Variants in NIBAN1 observed in about 807,000 individuals in gnomAD.
NIBAN1 encodes niban apoptosis regulator 1.
Under a neutral mutation model 75.1 loss-of-function variants are expected in NIBAN1, and 81 were observed. That is an observed-to-expected ratio of 1.08 (90% CI 0.90 to 1.30). The LOEUF (loss-of-function observed/expected upper bound fraction) is 1.30, where lower values mean the gene tolerates loss of function less well. NIBAN1 is among the 50% of genes most tolerant of loss of function. The pLI is 0.00. For synonymous variants in NIBAN1, 436 were observed against 424.8 expected (o/e 1.03, Z -0.32); for missense variants, 1,133 against 1,128.1 (o/e 1.00, Z -0.06).
intron 1 of NIBAN1, among the ~76,000 whole-genome samples, chr1:184,952,813 C>T (rs928252145): frequency 6.6e-6 from 1 of 152,188 alleles, no homozygotes; most frequent in African/African-American, 2.4e-5. Context: ...GGCCTAAAGA[C>T]AAGCCCAAAG....
At chr1:184,823,423 T>C in intron 7 of NIBAN1, 94 bp from the exon 8 acceptor site, 3 of 1,481,086 alleles carry the variant, frequency 2.0e-6, no homozygotes, top group Non-Finnish European at 1.8e-6. Context: ...CAGGCCATCA[T>C]AACAAACAGA....
At chr1:184,832,290 G>C (rs1655021074) in intron 5 of NIBAN1, among the ~76,000 whole-genome samples, 1 of 152,132 alleles carries the variant, frequency 6.6e-6, no homozygotes, top group East Asian at 1.9e-4. Context: ...TACCAGCTGT[G>C]ACACCTTACT....
chr1:184,943,437 C>A (rs1658146465), intron 1 of NIBAN1, among the ~76,000 whole-genome samples: 1 of 152,114 alleles, frequency 6.6e-6, no homozygotes, highest in Admixed American at 6.5e-5. Context: ...TGCACCAATG[C>A]CATTTCTTAG....
In NIBAN1 at chr1:184,906,074, C is replaced by CA. The variant is rs200966151; in HGVS notation, c.56-6766dup. Reference sequence around the variant, plus strand: ...ACAACATAGAGAGACCTTGACTCTACAAAAAAAAATTAAAAAATTAGCCAA... The same window carrying CA: ...ACAACATAGAGAGACCTTGACTCTACAAAAAAAAAATTAAAAAATTAGCCAA... On this transcript the variant is annotated intron_variant, in intron 1 of 13. Transcript: ENST00000367511. Among the ~76,000 whole-genome samples the CA allele has an allele frequency of 5.7e-3, 746 of 131,724 alleles. 4 individuals carry two copies. Among genetic ancestry groups the CA allele is most frequent in the African/African-American group, 0.02 (690 of 34,760 alleles). 86.4% of individuals were successfully genotyped at this position (131,724 alleles called of 152,430 possible).
At chr1:184,896,100 T>C (rs953764066) in intron 2 of NIBAN1, among the ~76,000 whole-genome samples, 1 of 152,212 alleles carries the variant, frequency 6.6e-6, no homozygotes, top group Non-Finnish European at 1.5e-5. Flanking sequence ...CTGAGTCGAA[T>C]GATAGTTCTT....
intron 1 of NIBAN1, among the ~76,000 whole-genome samples, chr1:184,917,554 C>T (rs1657426180): frequency 6.6e-6 from 1 of 151,804 alleles, no homozygotes; most frequent in Non-Finnish European, 1.5e-5. Context: ...TCAAAAGTAT[C>T]CTTAAACTCC....
intron 7 of NIBAN1, 124 bp downstream of exon 7, chr1:184,823,514 C>A: frequency 8.0e-7 from 1 of 1,252,796 alleles, no homozygotes; most frequent in Non-Finnish European, 1.1e-6. Context: ...TCAGCAGGTT[C>A]GAAGTAGGCA....
chr1:184,970,979 A>G lies in NIBAN1; in HGVS notation c.55+3323T>C, dbSNP rs1396417316. Among the ~76,000 whole-genome samples the G allele has an allele frequency of 2.0e-5, 3 of 152,086 alleles. No individual in the cohort carries two copies. In the East Asian group the frequency reaches 5.8e-4, roughly 29 times the overall value. On this transcript the variant is annotated intron_variant, in intron 1 of 13. Transcript: ENST00000367511. ...TTTAAGCTATAGTTTAATTTCATGC[A>G]TACCAAAAGCTTTACAGAAAAAGAG...
Position 184,974,301 on chromosome 1 carries a change from C to A in NIBAN1, c.55+1G>T. 6.4e-7 allele frequency: 1 copy of A among 1,561,446 alleles called. No individual in the cohort carries two copies. Among genetic ancestry groups the A allele is most frequent in the Non-Finnish European group, 8.6e-7 (1 of 1,160,878 alleles). On this transcript the variant is annotated splice_donor_variant, in intron 1 of 13. Coordinates refer to ENST00000367511, the MANE Select transcript of NIBAN1 (RefSeq NM_052966.4). LOFTEE classifies it high-confidence loss of function. ...CCAGGCCCCCGGGCGGGCGGGCGTA[C>A]CTCGGATGTAAGCGCACTTGCCCTC...
chr1:184,910,626 G>A (rs1239001751), intron 1 of NIBAN1, among the ~76,000 whole-genome samples: 2 of 152,154 alleles, frequency 1.3e-5, no homozygotes, highest in Non-Finnish European at 2.9e-5. Context: ...CAGAAGCCTT[G>A]TGAAATGATC....
At chr1:184,839,572 C>T (rs939375546) in intron 5 of NIBAN1, among the ~76,000 whole-genome samples, 9 of 149,660 alleles carry the variant, frequency 6.0e-5, no homozygotes, top group South Asian at 2.1e-4. Flanking sequence ...TGTGCACGCG[C>T]GCGTGTGTGT....
At chr1:184,892,002 A>G (rs1308814959) in intron 3 of NIBAN1, among the ~76,000 whole-genome samples, 1 of 152,238 alleles carries the variant, frequency 6.6e-6, no homozygotes, top group East Asian at 1.9e-4. Context: ...AAGCAGTGCA[A>G]TGTACAAACT....
chr1:184,884,802 T>C lies in NIBAN1; in HGVS notation c.434-2A>G, dbSNP rs368731059. ...GAGTGTTCTCCTTCTCACTGGAGGC[T>C]AAAGAAATATTGAAAACACAAATAC... On this transcript the variant is annotated splice_acceptor_variant, in intron 4 of 13. Transcript: ENST00000367511. LOFTEE classifies it high-confidence loss of function. 2 of 1,612,816 alleles carry C rather than the reference T, an allele frequency of 1.2e-6. No homozygotes were observed. Among genetic ancestry groups the C allele is most frequent in the Non-Finnish European group, 1.7e-6 (2 of 1,179,546 alleles).
intron 4 of NIBAN1, among the ~76,000 whole-genome samples, chr1:184,889,629 G>A (rs558851948): frequency 6.6e-6 from 1 of 152,246 alleles, no homozygotes; most frequent in South Asian, 2.1e-4. Context: ...TATTTCTGCT[G>A]CCTTGTGGAG....
At chr1:184,946,403 C>T (rs1658227250) in intron 1 of NIBAN1, among the ~76,000 whole-genome samples, 1 of 152,104 alleles carries the variant, frequency 6.6e-6, no homozygotes, top group African/African-American at 2.4e-5. Context: ...AATAAGAATG[C>T]TAAACTATTG....
intron 5 of NIBAN1, among the ~76,000 whole-genome samples, chr1:184,843,018 C>A (rs976842914): frequency 2.6e-5 from 4 of 152,214 alleles, no homozygotes; most frequent in African/African-American, 9.6e-5. Flanking sequence ...TCTACTCTGT[C>A]AACTGCTCAC....
chr1:184,899,094 A>C, intron 2 of NIBAN1, 85 bp downstream of exon 2: 1 of 1,488,504 alleles, frequency 6.7e-7, no homozygotes, highest in Admixed American at 1.9e-5. Context: ...CTGCCATTCA[A>C]ATTATTGTTT....
chr1:184,922,889 G>C (rs1206042302), intron 1 of NIBAN1, among the ~76,000 whole-genome samples: 1 of 152,172 alleles, frequency 6.6e-6, no homozygotes, highest in Non-Finnish European at 1.5e-5. Context: ...TTACAGACGT[G>C]AGTTAAATCA....
In NIBAN1 at chr1:184,881,814, T is replaced by A. The variant is rs113997246; in HGVS notation, c.601+2819A>T. Among the ~76,000 whole-genome samples, 173 of 152,288 alleles carry A rather than the reference T, an allele frequency of 1.1e-3. 1 individual carries two copies. The highest frequency in any genetic ancestry group is 3.8e-3 in the African/African-American group (156 of 41,574). On this transcript the variant is annotated intron_variant, in intron 5 of 13. Transcript: ENST00000367511. ...CAGTGAGGATGACCAGAGGTCACTC[T>A]CATTGCAATTTTAGTTTTGGTGGGT...
Sources: gnomAD v4.1 joint callset for allele counts (sites outside exome capture counted in the v4.1 genomes callset) on GRCh38, gnomAD v4.1.1 for gene constraint, MANE v1.5 for transcripts, NCBI Gene and HGNC (gene_info 2026-07-23, HGNC 2026-07-21) for gene names.